The following CBX5 variants were observed in gnomAD, a reference collection of about 807,000 sequenced individuals.
CBX5 encodes the protein chromobox protein homolog 5.
A neutral mutation model predicts 20.7 loss-of-function variants in CBX5; 7 were observed. The observed-to-expected ratio is 0.34, with a 90% confidence interval of 0.19 to 0.63. The LOEUF (loss-of-function observed/expected upper bound fraction) is 0.63, where lower values mean the gene tolerates loss of function less well. Ranked by LOEUF, CBX5 falls within the 30% of genes least tolerant of loss-of-function variation. The probability of loss-of-function intolerance (pLI) is 0.75; values close to 1 mark genes in which losing one functional copy is unlikely to be tolerated. For synonymous variants in CBX5, 78 were observed against 77.0 expected, an observed-to-expected ratio of 1.01 and a Z score of -0.07; for missense variants, 110 against 224.1, an observed-to-expected ratio of 0.49 and a Z score of 3.25.
In CBX5 at chr12:54,236,332, G is replaced by C. The variant is rs915081985; in HGVS notation, c.*5423C>G. Reference sequence around the variant, plus strand: ...TGAAAGTTATTTGAGGGCAGGGATGGCCTCTTTCTGAACCTTGTATCTTCA... The same window carrying C: ...TGAAAGTTATTTGAGGGCAGGGATGCCCTCTTTCTGAACCTTGTATCTTCA... On this transcript the variant is annotated 3_prime_UTR_variant, in exon 5 of 5. Transcript: ENST00000209875. 1 of 152,138 alleles carries C rather than the reference G, an allele frequency of 6.6e-6. No individual in the cohort carries two copies. The highest frequency in any genetic ancestry group is 1.5e-5 in the Non-Finnish European group (1 of 68,020). The allele number at this position is 152,138 out of a possible 1,614,324, so 9.4% of individuals were successfully genotyped here. A position where few individuals can be genotyped will look rare whatever the true frequency, so the allele number is the denominator to read the frequency against.
In CBX5 at chr12:54,238,612, T is replaced by G. The variant is rs1463662122; in HGVS notation, c.*3143A>C. On this transcript the variant is annotated 3_prime_UTR_variant, in exon 5 of 5. Transcript: ENST00000209875. ...ATTTTAGTACTGGGGGAAAAAAAACTAGATTGTTATTTGAAGAAGAAAACA... is the reference window on the plus strand; with the variant it reads ...ATTTTAGTACTGGGGGAAAAAAAACGAGATTGTTATTTGAAGAAGAAAACA... The G allele has an allele frequency of 6.6e-6, 1 of 152,178 alleles. No individual in the cohort carries two copies. Among genetic ancestry groups the G allele is most frequent in the Non-Finnish European group, 1.5e-5 (1 of 68,046 alleles). 9.4% of individuals were successfully genotyped at this position (152,178 alleles called of 1,614,324 possible).
At chr12:54,257,798 T>C in intron 1 of CBX5, 106 bp from the exon 2 acceptor site, 2 of 721,836 alleles carry the variant, frequency 2.8e-6, no homozygotes, top group Non-Finnish European at 4.6e-6. Flanking sequence ...CCATGTGCCC[T>C]GCTCTTGAGT....
At position 54,239,066 on chromosome 12, in the gene CBX5, A is replaced by G. The variant is rs901137728; in HGVS notation, c.*2689T>C. 2 of 152,220 alleles carry G rather than the reference A, an allele frequency of 1.3e-5. No individual in the cohort carries two copies. The highest frequency in any genetic ancestry group is 2.4e-5 in the African/African-American group (1 of 41,446). 9.4% of individuals were successfully genotyped at this position (152,220 alleles called of 1,614,324 possible). A position where few individuals can be genotyped will look rare whatever the true frequency, so the allele number is the denominator to read the frequency against. ...TTCCTTTGTGCTAAGGGCTGAAATC[A>G]ATACTGGCCTCTGGCTCCCTACATT... On this transcript the variant is annotated 3_prime_UTR_variant, in exon 5 of 5. Coordinates refer to ENST00000209875, the MANE Select transcript of CBX5 (RefSeq NM_012117.3).
Position 54,241,730 on chromosome 12 carries a change from G to T in CBX5, c.*25C>A. 6.2e-7 allele frequency: 1 copy of T among 1,602,092 alleles called. No homozygotes were observed. Among genetic ancestry groups the T allele is most frequent in the Non-Finnish European group, 8.5e-7 (1 of 1,175,828 alleles). The stretch of plus-strand genomic sequence containing the variant: ...GAGGTGAATGTATTATGTACAAAGA[G>T]AAATGACAGAGACCATCCCCTCCTT... On this transcript the variant is annotated 3_prime_UTR_variant, in exon 5 of 5. Coordinates refer to ENST00000209875, the MANE Select transcript of CBX5 (RefSeq NM_012117.3).
chr12:54,243,816 C>A (rs1354030060), intron 4 of CBX5, among the ~76,000 whole-genome samples: 2 of 151,602 alleles, frequency 1.3e-5, no homozygotes, highest in South Asian at 2.1e-4. Context: ...TTGCAGTGAG[C>A]CGAGATGGTA....
At chr12:54,262,463 G>A (rs1943921959) in intron 1 of CBX5, among the ~76,000 whole-genome samples, 1 of 152,214 alleles carries the variant, frequency 6.6e-6, no homozygotes, top group African/African-American at 2.4e-5. Flanking sequence ...CCTGATGCCA[G>A]GAGTCAGAGT....
chr12:54,254,709 A>G (rs1360076264), intron 2 of CBX5, among the ~76,000 whole-genome samples: 1 of 151,778 alleles, frequency 6.6e-6, no homozygotes, highest in Admixed American at 6.6e-5. Context: ...AAAATTTAGA[A>G]GGGCGTGGTG....
At chr12:54,244,157 A>C (rs1592154193) in intron 4 of CBX5, among the ~76,000 whole-genome samples, 1 of 149,088 alleles carries the variant, frequency 6.7e-6, no homozygotes, top group African/African-American at 2.5e-5. Context: ...GCCTGCCACC[A>C]AGCCTGGCTA....
rs558704259 is a variant in CBX5, at chr12:54,257,149, G to A, written c.137+365C>T. Among the ~76,000 whole-genome samples, 9 of 152,246 alleles carry A rather than the reference G, an allele frequency of 5.9e-5. No individual in the cohort carries two copies. The South Asian group carries it at 8.3e-4, about 14-fold the overall frequency. On this transcript the variant is annotated intron_variant, in intron 2 of 4. Transcript: ENST00000209875. ...CTGAGATTAGAGTGCAAGCCACCAC[G>A]CCTGGCCTTATAAGCACTACTGCTT...
intron 1 of CBX5, among the ~76,000 whole-genome samples, chr12:54,279,267 A>T (rs1328994588): frequency 6.6e-6 from 1 of 152,182 alleles, no homozygotes; most frequent in East Asian, 1.9e-4. Flanking sequence ...TTCCTAAAGA[A>T]GCGACTTCTG....
chr12:54,255,467 G>C lies in CBX5; in HGVS notation c.137+2047C>G, dbSNP rs536484346. ...CCAGCTACTCGGGAGGCTGAGGCAG[G>C]AGAATCGCTTGAACCCGGGAGGCGG... On this transcript the variant is annotated intron_variant, in intron 2 of 4. Coordinates refer to ENST00000209875, the MANE Select transcript of CBX5 (RefSeq NM_012117.3). Among the ~76,000 whole-genome samples, 6 of 151,560 alleles carry C rather than the reference G, an allele frequency of 4.0e-5. No individual in the cohort carries two copies. In the East Asian group the frequency reaches 1.2e-3, roughly 29 times the overall value.
At chr12:54,248,653 G>A (rs1943762135) in intron 3 of CBX5, among the ~76,000 whole-genome samples, 1 of 152,154 alleles carries the variant, frequency 6.6e-6, no homozygotes, top group South Asian at 2.1e-4. Context: ...GGACTAAGTT[G>A]TAAATCATAA....
At chr12:54,277,389 G>A (rs1944080050) in intron 1 of CBX5, among the ~76,000 whole-genome samples, 1 of 152,206 alleles carries the variant, frequency 6.6e-6, no homozygotes, top group Non-Finnish European at 1.5e-5. Context: ...GTTTTTAGTA[G>A]AGACGGGGTT....
chr12:54,245,302 CAT>C (rs1219525958), intron 4 of CBX5, among the ~76,000 whole-genome samples: 1 of 152,072 alleles, frequency 6.6e-6, no homozygotes, highest in Non-Finnish European at 1.5e-5. Context: ...TGAGCCACTG[CAT>C]CCGACCTTTA....
chr12:54,257,254 A>G (rs764487082), intron 2 of CBX5, among the ~76,000 whole-genome samples: 32 of 152,224 alleles, frequency 2.1e-4, no homozygotes, highest in Non-Finnish European at 4.6e-4. Context: ...TGGTGGAGTT[A>G]GAATCTAGAC....
chr12:54,274,316 G>A (rs183196248), intron 1 of CBX5: 17 of 152,218 alleles, frequency 1.1e-4, no homozygotes, highest in Admixed American at 1.0e-3. Flanking sequence ...CTTCCTATTA[G>A]TACAATGATC....
intron 4 of CBX5, among the ~76,000 whole-genome samples, chr12:54,244,142 C>T (rs1445089511): frequency 6.6e-6 from 1 of 151,138 alleles, no homozygotes; most frequent in African/African-American, 2.4e-5. Flanking sequence ...GCTGGGACTA[C>T]AGGCGCCTGC....
intron 1 of CBX5, among the ~76,000 whole-genome samples, chr12:54,266,865 A>G (rs1348427528): frequency 6.6e-6 from 1 of 152,162 alleles, no homozygotes; most frequent in Non-Finnish European, 1.5e-5. Context: ...ATTCTATTTT[A>G]TAGAATAAGA....
chr12:54,244,375 T>C (rs961815335), intron 4 of CBX5, among the ~76,000 whole-genome samples: 4 of 152,002 alleles, frequency 2.6e-5, no homozygotes, highest in African/African-American at 9.7e-5. Context: ...ACCCTCTATG[T>C]ATCACAAATT....
Sources: gnomAD v4.1 joint callset for allele counts (sites outside exome capture counted in the v4.1 genomes callset) on GRCh38, gnomAD v4.1.1 for gene constraint, MANE v1.5 for transcripts, NCBI Gene and HGNC (gene_info 2026-07-23, HGNC 2026-07-21) for gene names.